PCDHGB3: variants seen among roughly 807,000 people sequenced by gnomAD.
The protein encoded by PCDHGB3 is protocadherin gamma-B3.
Under a neutral mutation model 59.2 loss-of-function variants are expected in PCDHGB3, and 40 were observed. That is an observed-to-expected ratio of 0.68 (90% confidence interval 0.52 to 0.88). The LOEUF (loss-of-function observed/expected upper bound fraction) is 0.88. Ranked by LOEUF, PCDHGB3 falls within the 40% of genes least tolerant of loss-of-function variation. The probability of loss-of-function intolerance (pLI) is 0.00; values close to 1 mark genes in which losing one functional copy is unlikely to be tolerated. For missense variants in PCDHGB3, 1,309 were observed against 1,187.9 expected, an observed-to-expected ratio of 1.10 and a Z score of -1.50; for synonymous variants, 581 against 503.6, an observed-to-expected ratio of 1.15 and a Z score of -2.06.
chr5:141,370,622 C>T lies in PCDHGB3; in HGVS notation c.228C>T (p.Thr76=). Residue 76 remains threonine, a synonymous_variant, in exon 1 of 4, where the codon ACC becomes ACT. Transcript: ENST00000576222. ...TTATTGCAGAGAAGAAATTCTTTAC[C>T]GTGAGCCCCGAAAATGGGAACTTAC... The part of the protein sequence containing the change: ...LRVIAEKKFF[T]VSPENGNLLV... 1.9e-6 allele frequency: 3 copies of T among 1,613,902 alleles called. No homozygotes were observed. The highest frequency in any genetic ancestry group is 2.5e-6 in the Non-Finnish European group (3 of 1,179,876).
intron 1 of PCDHGB3, chr5:141,399,834 G>C (rs375768001): frequency 2.4e-5 from 39 of 1,613,004 alleles, no homozygotes; most frequent in Non-Finnish European, 2.9e-5. Flanking sequence ...ACGGCTCTGC[G>C]CTCTTCGATA....
At position 141,489,088 on chromosome 5, in the gene PCDHGB3, GAC is replaced by G; in HGVS notation, c.2416-5718_2416-5717del. 5.8e-6 allele frequency: 2 copies of G among 347,236 alleles called. No homozygotes were observed. The highest frequency in any genetic ancestry group is 4.7e-5 in the East Asian group (1 of 21,502). The allele number at this position is 347,236 out of a possible 1,614,324, so 21.5% of individuals were successfully genotyped here. A position where few individuals can be genotyped will look rare whatever the true frequency, so the allele number is the denominator to read the frequency against. ...CCCCTGCCCACCCCCGCCACTCGGT[GAC>G]TAAGAACTGCTGCAAGCAGGCAAAC... On this transcript the variant is annotated intron_variant, in intron 1 of 3. Transcript: ENST00000576222. The surrounding 1 kb of genome is among the most constrained non-coding windows in gnomAD (Gnocchi z 4.5).
intron 1 of PCDHGB3, chr5:141,389,060 A>G (rs1164665785): frequency 3.7e-6 from 6 of 1,614,010 alleles, no homozygotes; most frequent in Non-Finnish European, 4.2e-6. Context: ...CATTTAAAAT[A>G]TTAACTTCTT....
At chr5:141,392,852 G>A in intron 1 of PCDHGB3, 3 of 1,611,984 alleles carry the variant, frequency 1.9e-6, no homozygotes, top group Non-Finnish European at 2.5e-6. Context: ...GCGGCGAGCT[G>A]ATCCTGCTGT....
At chr5:141,497,284 A>G (rs1486878285) in intron 2 of PCDHGB3, among the ~76,000 whole-genome samples, 1 of 152,104 alleles carries the variant, frequency 6.6e-6, no homozygotes, top group South Asian at 2.1e-4. Context: ...TGTTCCCTCT[A>G]CCTACCACCA....
intron 1 of PCDHGB3, chr5:141,419,261 G>A (rs758952830): frequency 1.3e-5 from 21 of 1,613,864 alleles, no homozygotes; most frequent in Non-Finnish European, 1.7e-5. Context: ...CAACCAGCCG[G>A]GTGCCTCCAT....
At position 141,390,172 on chromosome 5, in the gene PCDHGB3, ATT is replaced by A. The variant is rs745723390; in HGVS notation, c.2415+17365_2415+17366del. 218 of 1,614,012 alleles carry A rather than the reference ATT, an allele frequency of 1.4e-4. 1 individual carries two copies. In the African/African-American group the frequency reaches 2.7e-3, roughly 20 times the overall value. ...GCACATACAGGAAAGACGGAGTTTA[ATT>A]TCCTAAAATGTAGTGAGCAGTTGAG... On this transcript the variant is annotated intron_variant, in intron 1 of 3. Transcript: ENST00000576222.
At chr5:141,392,818 C>A in intron 1 of PCDHGB3, 1 of 1,589,060 alleles carries the variant, frequency 6.3e-7, no homozygotes, top group Non-Finnish European at 8.6e-7. Flanking sequence ...ACAACAATGG[C>A]CGCTCCACAG....
intron 1 of PCDHGB3, chr5:141,417,759 C>T: frequency 7.0e-7 from 1 of 1,437,100 alleles, no homozygotes; most frequent in South Asian, 1.5e-5. Flanking sequence ...AGCTCCGAGA[C>T]CCGGGACTCC....
At chr5:141,422,847 C>T (rs1271794821) in intron 1 of PCDHGB3, 2 of 1,614,116 alleles carry the variant, frequency 1.2e-6, no homozygotes, top group Non-Finnish European at 1.7e-6. Context: ...ACAGCGGGGA[C>T]CCGCCCCTCA....
At chr5:141,426,898 C>T (rs1246109323) in intron 1 of PCDHGB3, 1 of 456,634 alleles carries the variant, frequency 2.2e-6, no homozygotes, top group African/African-American at 2.0e-5. Flanking sequence ...CAACAGAGCT[C>T]TCATCTCCTG....
At chr5:141,394,195 T>A (rs930890690) in intron 1 of PCDHGB3, 1 of 1,613,768 alleles carries the variant, frequency 6.2e-7, no homozygotes, top group Non-Finnish European at 8.5e-7. Context: ...TCAGCGTATA[T>A]CCTAGAGAAC....
At chr5:141,428,147 G>C (rs771536400) in intron 1 of PCDHGB3, 1 of 1,589,612 alleles carries the variant, frequency 6.3e-7, no homozygotes, top group Admixed American at 1.7e-5. Flanking sequence ...GGCTGCACAC[G>C]GGAACCTGCT....
rs186484297 is a variant in PCDHGB3 at position 141,453,739 on chromosome 5, A to G, written c.2416-41068A>G. ...TAAAAATATTTGTTACTACAGCTTA[A>G]ATAACATAAGTCTCCTAAAAATAAT... On this transcript the variant is annotated intron_variant, in intron 1 of 3. Coordinates refer to ENST00000576222, the MANE Select transcript of PCDHGB3 (RefSeq NM_018924.5). Among the ~76,000 whole-genome samples, 2 of 152,370 alleles carry G rather than the reference A, an allele frequency of 1.3e-5. 1 individual carries two copies. Among genetic ancestry groups the G allele is most frequent in the Admixed American group, 1.3e-4 (2 of 15,300 alleles).
chr5:141,376,001 C>A lies in PCDHGB3; in HGVS notation c.2415+3192C>A, dbSNP rs1554084237. On this transcript the variant is annotated intron_variant, in intron 1 of 3. Transcript: ENST00000576222. ...CCTGCTGGACAGAGACGCGCTCAAGCAGAGCCTAGTGGTGGCCGTCCAGGA... is the reference window on the plus strand; with the variant it reads ...CCTGCTGGACAGAGACGCGCTCAAGAAGAGCCTAGTGGTGGCCGTCCAGGA... 10 of 1,613,362 alleles carry A rather than the reference C, an allele frequency of 6.2e-6. No homozygotes were observed. The Admixed American group carries it at 1.7e-4, about 27-fold the overall frequency.
chr5:141,499,572 T>C (rs2099792782), intron 2 of PCDHGB3, among the ~76,000 whole-genome samples: 1 of 152,178 alleles, frequency 6.6e-6, no homozygotes, highest in Admixed American at 6.5e-5. Flanking sequence ...CAGCTTCAAC[T>C]AATGCCTTAT....
Position 141,491,900 on chromosome 5 carries a change from G to T in PCDHGB3, c.2416-2907G>T. The T allele has an allele frequency of 7.0e-7, 1 of 1,429,936 alleles. No homozygotes were observed. The highest frequency in any genetic ancestry group is 1.5e-5 in the South Asian group (1 of 67,072). 88.6% of individuals were successfully genotyped at this position (1,429,936 alleles called of 1,614,324 possible). A position where few individuals can be genotyped will look rare whatever the true frequency, so the allele number is the denominator to read the frequency against. ...TAAGGGATGGGGCTCCGAGCACCGG[G>T]GGTGGTGGCGACTGTGGGCGAGGGG... On this transcript the variant is annotated intron_variant, in intron 1 of 3. Transcript: ENST00000576222. This position sits in a 1 kb window ranked among gnomAD's most constrained non-coding sequence, Gnocchi z 6.9.
chr5:141,410,202 A>G (rs766392835), intron 1 of PCDHGB3: 2 of 1,614,018 alleles, frequency 1.2e-6, no homozygotes, highest in Non-Finnish European at 1.7e-6. Flanking sequence ...TTCGCAGACA[A>G]CTTGCAAGAG....
intron 1 of PCDHGB3, chr5:141,375,951 C>G (rs767101939): frequency 1.2e-6 from 2 of 1,613,526 alleles, no homozygotes; most frequent in Admixed American, 3.3e-5. Context: ...GGCCTGCACA[C>G]GGGCGAGGTG....
Sources: gnomAD v4.1 joint callset for allele counts (sites outside exome capture counted in the v4.1 genomes callset) on GRCh38, gnomAD v4.1.1 for gene constraint, Gnocchi (gnomAD v3.1) non-coding constraint, MANE v1.5 for transcripts, NCBI Gene and HGNC (gene_info 2026-07-23, HGNC 2026-07-21) for gene names.